Variants in COL10A1 observed in about 807,000 individuals in gnomAD.
COL10A1 encodes collagen type X alpha 1 chain, also known as collagen alpha-1(X) chain.
Under a neutral mutation model 18.2 loss-of-function variants are expected in COL10A1, and 10 were observed. That is an observed-to-expected ratio of 0.55 (90% confidence interval 0.34 to 0.93). The LOEUF is 0.93. Among genes scored for constraint, COL10A1 ranks in the 40% least tolerant of loss-of-function variants. The pLI is 0.02. For missense variants in COL10A1, 897 were observed against 853.5 expected (o/e 1.05, Z -0.64); for synonymous variants, 330 against 316.6 (o/e 1.04, Z -0.45).
chr6:116,192,736 G>A, the COL10A1 span, among the ~76,000 whole-genome samples: 1 of 152,022 alleles, frequency 6.6e-6, no homozygotes, highest in East Asian at 1.9e-4. Context: ...AATCTATCTG[G>A]TCTGAGTACT....
chr6:116,166,417 C>A, the COL10A1 span, among the ~76,000 whole-genome samples: 10 of 152,288 alleles, frequency 6.6e-5, 1 homozygote, highest in Admixed American at 4.6e-4. Flanking sequence ...AATGGATCAA[C>A]CAATCTTCAA....
the COL10A1 span, among the ~76,000 whole-genome samples, chr6:116,165,259 G>A: frequency 1.3e-3 from 197 of 152,138 alleles, 1 homozygote; most frequent in Non-Finnish European, 2.4e-3. Flanking sequence ...TTCTAGTGGC[G>A]TTTAAGATTT....
chr6:116,120,665 C>G lies in COL10A1; in HGVS notation c.1451G>C (p.Gly484Ala). 6.5e-7 allele frequency: 1 copy of G among 1,545,782 alleles called. No individual in the cohort carries two copies. Among genetic ancestry groups the G allele is most frequent in the Admixed American group, 2.1e-5 (1 of 46,892 alleles). Residue 484 changes from glycine (G) to alanine (A), a missense_variant, in exon 3 of 3, where the codon GGC becomes GCC. Gly to Ala is a moderately conservative substitution (Grantham distance 60). Coordinates refer to ENST00000651968, the MANE Select transcript of COL10A1 (RefSeq NM_000493.4). ...TGGTGGCCCGGTGGGTCCATTGAGGCCCTTAGTTGCTATGCCAGCTGGGCC... is the reference window on the plus strand; with the variant it reads ...TGGTGGCCCGGTGGGTCCATTGAGGGCCTTAGTTGCTATGCCAGCTGGGCC... ...PPGPAGIATK[G>A]LNGPTGPPGP...
chr6:116,120,296 C>T lies in COL10A1; in HGVS notation c.1820G>A (p.Gly607Glu). 1.2e-6 allele frequency: 2 copies of T among 1,614,158 alleles called. No homozygotes were observed. The highest frequency in any genetic ancestry group is 1.7e-6 in the Non-Finnish European group (2 of 1,180,030). Residue 607 changes from glycine to glutamate, a missense_variant, in exon 3 of 3, where the codon GGG (glycine) becomes GAG (glutamate). Physicochemically the swap from Gly to Glu is moderately conservative, Grantham distance 98. Transcript: ENST00000651968. ...YYFSYHVHVK[G>E]THVWVGLYKN... ...ATACAGGCCTACCCAAACATGAGTCCCTTTCACATGCACGTGGTATGAAAA... is the reference window on the plus strand; with the variant it reads ...ATACAGGCCTACCCAAACATGAGTCTCTTTCACATGCACGTGGTATGAAAA...
At chr6:116,212,000 T>C in the COL10A1 span, among the ~76,000 whole-genome samples, 1 of 152,110 alleles carries the variant, frequency 6.6e-6, no homozygotes, top group Non-Finnish European at 1.5e-5. Context: ...GCTTAGGGCA[T>C]TATTACTCCT....
the COL10A1 span, among the ~76,000 whole-genome samples, chr6:116,193,689 CTTTAAT>C: frequency 6.6e-6 from 1 of 152,152 alleles, no homozygotes; most frequent in Non-Finnish European, 1.5e-5. Flanking sequence ...TCAAAGCGTG[CTTTAAT>C]TTTAACTCTG....
the COL10A1 span, among the ~76,000 whole-genome samples, chr6:116,202,445 CAA>C: frequency 2.0e-5 from 3 of 152,036 alleles, no homozygotes; most frequent in East Asian, 5.8e-4. Flanking sequence ...AACGAGGAAA[CAA>C]TGATCCCATA....
intron 1 of COL10A1, chr6:116,137,468 A>G: frequency 1.1e-5 from 2 of 179,806 alleles, no homozygotes; most frequent in South Asian, 2.7e-4. Flanking sequence ...GCAGCCGAGA[A>G]CAGTAGGTGC....
chr6:116,192,889 A>G, the COL10A1 span, among the ~76,000 whole-genome samples: 2 of 152,014 alleles, frequency 1.3e-5, no homozygotes, highest in African/African-American at 4.8e-5. Context: ...CTCACGTTGC[A>G]TCTTCAGCAG....
At chr6:116,206,246 G>A in the COL10A1 span, among the ~76,000 whole-genome samples, 1 of 151,990 alleles carries the variant, frequency 6.6e-6, no homozygotes, top group Non-Finnish European at 1.5e-5. Context: ...TTAGGCCAGA[G>A]GAACTTGTTA....
rs1369387732 is a variant in COL10A1 at position 116,121,475 on chromosome 6, G to T, written c.641C>A (p.Ser214Tyr). The change falls in exon 3 of 3, where the codon TCT (serine) becomes TAT (tyrosine). Residue 214 changes from serine (S) to tyrosine (Y), a missense_variant. Transcript: ENST00000651968. Reference protein sequence around the residue: ...LPGPQGPTGPSGPPGVGKRGE... With the variant: ...LPGPQGPTGPYGPPGVGKRGE... ...TCTTTTTCCCACTCCAGGAGGGCCA[G>T]ATGGTCCTGTGGGACCCTGAGGGCC... is the stretch of plus-strand genomic sequence containing the variant. 1.2e-6 allele frequency: 2 copies of T among 1,614,162 alleles called. No homozygotes were observed. The highest frequency in any genetic ancestry group is 2.2e-5 in the South Asian group (2 of 91,082).
the COL10A1 span, among the ~76,000 whole-genome samples, chr6:116,202,310 A>C: frequency 6.6e-6 from 1 of 151,958 alleles, no homozygotes; most frequent in Non-Finnish European, 1.5e-5. Context: ...GAATACATAG[A>C]TCAGTAGCAG....
At chr6:116,149,047 G>GT (rs1039270151) in intron 1 of COL10A1, among the ~76,000 whole-genome samples, 4 of 152,078 alleles carry the variant, frequency 2.6e-5, no homozygotes, top group African/African-American at 9.7e-5. Flanking sequence ...CATTCCATGT[G>GT]TTTTTTAAAT....
At chr6:116,149,689 G>A (rs569244099) in intron 1 of COL10A1, among the ~76,000 whole-genome samples, 2 of 152,314 alleles carry the variant, frequency 1.3e-5, no homozygotes, top group East Asian at 3.9e-4. Context: ...TTTGAACTTA[G>A]TGTTGATGCA....
intron 1 of COL10A1, among the ~76,000 whole-genome samples, chr6:116,135,383 T>C (rs1779562727): frequency 6.6e-6 from 1 of 152,044 alleles, no homozygotes; most frequent in Non-Finnish European, 1.5e-5. Context: ...AAATGATATT[T>C]CATTTTTTTT....
chr6:116,121,303 G>C lies in COL10A1; in HGVS notation c.813C>G (p.Ala271=), dbSNP rs748725155. The C allele has an allele frequency of 1.9e-6, 3 of 1,613,872 alleles. No homozygotes were observed. In the African/African-American group the frequency reaches 4.0e-5, roughly 22 times the overall value. The change falls in exon 3 of 3, where the codon GCC becomes GCG. Residue 271 remains alanine, a synonymous_variant. Coordinates refer to ENST00000651968, the MANE Select transcript of COL10A1 (RefSeq NM_000493.4). ...TTCCTGGAATCCCTGGCTGGCCTGG[G>C]GCTCCAGCAGCTCCTGGCTTTCCAA... ...EGIGKPGAAG[A]PGQPGIPGTK...
At chr6:116,144,245 T>C (rs1779838615) in intron 1 of COL10A1, among the ~76,000 whole-genome samples, 1 of 152,208 alleles carries the variant, frequency 6.6e-6, no homozygotes, top group Non-Finnish European at 1.5e-5. Flanking sequence ...GGCTCACGCC[T>C]GTATCCCAGC....
At chr6:116,204,589 A>G in the COL10A1 span, among the ~76,000 whole-genome samples, 5,881 of 152,090 alleles carry the variant, frequency 0.039, 155 homozygotes, top group South Asian at 0.073. Context: ...AAACGCAGAT[A>G]TGCAATGAGC....
chr6:116,179,333 A>G, the COL10A1 span, among the ~76,000 whole-genome samples: 2 of 152,176 alleles, frequency 1.3e-5, no homozygotes, highest in Non-Finnish European at 2.9e-5. Flanking sequence ...TATACTGATC[A>G]GATGTTAATA....
Sources: allele counts gnomAD v4.1 joint callset (sites outside exome capture counted in the v4.1 genomes callset), GRCh38; gene constraint gnomAD v4.1.1; transcripts MANE v1.5; gene names NCBI Gene and HGNC (gene_info 2026-07-23, HGNC 2026-07-21).